Variants in ZNF385D observed in about 807,000 individuals in gnomAD.
ZNF385D encodes zinc finger protein 659.
In ZNF385D, 15 loss-of-function variants were observed where a neutral mutation model predicts 35.8. That is an observed-to-expected ratio of 0.42 (90% confidence interval 0.28 to 0.64). The LOEUF (loss-of-function observed/expected upper bound fraction) is 0.64, where lower values mean the gene tolerates loss of function less well. Among genes scored for constraint, ZNF385D ranks in the 30% least tolerant of loss-of-function variants. ZNF385D has a pLI of 0.23. For missense variants in ZNF385D, 474 were observed against 494.6 expected, an observed-to-expected ratio of 0.96 and a Z score of 0.39; for synonymous variants, 212 against 186.8, an observed-to-expected ratio of 1.13 and a Z score of -1.10.
intron 3 of ZNF385D, among the ~76,000 whole-genome samples, chr3:22,075,575 C>A (rs369453885): frequency 6.6e-6 from 1 of 151,970 alleles, no homozygotes. Context: ...AATGACCACT[C>A]TTTTCTACCA....
rs770489198 is a variant in ZNF385D at position 22,284,078 on chromosome 3, A to G, written c.106+88372T>C. Among the ~76,000 whole-genome samples the G allele has an allele frequency of 1.7e-4, 26 of 152,136 alleles. 1 individual carries two copies. The highest frequency in any genetic ancestry group is 2.5e-4 in the Non-Finnish European group (17 of 68,032). On this transcript the variant is annotated intron_variant, in intron 2 of 5. Coordinates refer to the ZNF385D transcript ENST00000494108. ...GAAAATTAACATTGGACCTCATTTT[A>G]TACTTACTTGAGGCAAGATAGTACA...
chr3:22,299,038 C>T (rs1304251108), intron 2 of ZNF385D, among the ~76,000 whole-genome samples: 1 of 151,870 alleles, frequency 6.6e-6, no homozygotes, highest in African/African-American at 2.4e-5. Flanking sequence ...TAGTTTTTAA[C>T]ACAATTCAAA....
At chr3:22,030,256 C>CATATATATATATATATATAT (rs71044967) in intron 3 of ZNF385D, among the ~76,000 whole-genome samples, 1 of 21,730 alleles carries the variant, frequency 4.6e-5, no homozygotes, top group Non-Finnish European at 9.0e-5. Context: ...TAAACTCATT[C>CATATATATATATATATATAT]ATATATATAT....
rs559947030 is a variant in ZNF385D, at chr3:22,136,717, A to C, written c.325+32100T>G. 5.9e-5 allele frequency among the ~76,000 whole-genome samples: 9 copies of C among 152,286 alleles called. No individual in the cohort carries two copies. In the South Asian group the frequency reaches 1.7e-3, roughly 28 times the overall value. On this transcript the variant is annotated intron_variant, in intron 3 of 5. Coordinates refer to the ZNF385D transcript ENST00000494108. ...CCTTCAATAGGAGTATGGATAAGCA[A>C]ATTGTGGTACATTCAAAAAATGAAA...
chr3:22,301,812 T>C (rs1171648542), intron 2 of ZNF385D, among the ~76,000 whole-genome samples: 1 of 152,094 alleles, frequency 6.6e-6, no homozygotes, highest in East Asian at 1.9e-4. Context: ...TATGCAGCAA[T>C]ATATATAACT....
At chr3:21,858,745 G>A (rs1291970174) in intron 3 of ZNF385D, among the ~76,000 whole-genome samples, 1 of 152,102 alleles carries the variant, frequency 6.6e-6, no homozygotes, top group African/African-American at 2.4e-5. Context: ...CAGCACGAAT[G>A]ATTGGATATC....
intron 2 of ZNF385D, among the ~76,000 whole-genome samples, chr3:22,195,540 A>G (rs1205051205): frequency 6.6e-6 from 1 of 152,030 alleles, no homozygotes; most frequent in Non-Finnish European, 1.5e-5. Context: ...ATGTTCTACT[A>G]AAAGTTTTAT....
intron 2 of ZNF385D, among the ~76,000 whole-genome samples, chr3:22,361,407 G>A (rs1188685151): frequency 1.3e-5 from 2 of 152,018 alleles, no homozygotes; most frequent in African/African-American, 2.4e-5. Context: ...TAATGGCCCT[G>A]ACAATTTTCC....
chr3:22,195,641 T>C (rs932142831), intron 2 of ZNF385D, among the ~76,000 whole-genome samples: 1 of 151,994 alleles, frequency 6.6e-6, no homozygotes. Context: ...TGACTATACT[T>C]TTTACACTAC....
chr3:22,136,759 A>G (rs76636854), intron 3 of ZNF385D, among the ~76,000 whole-genome samples: 1,613 of 152,276 alleles, frequency 0.011, 28 homozygotes, highest in African/African-American at 0.037. Flanking sequence ...TCAGTGATAA[A>G]AAGAAGAGAA....
intron 2 of ZNF385D, among the ~76,000 whole-genome samples, chr3:22,361,400 T>C (rs937997468): frequency 1.3e-5 from 2 of 152,088 alleles, no homozygotes; most frequent in Non-Finnish European, 2.9e-5. Flanking sequence ...AACTTATTAA[T>C]GGCCCTGACA....
chr3:21,586,925 G>T (rs984722688), intron 2 of ZNF385D, among the ~76,000 whole-genome samples: 16 of 152,170 alleles, frequency 1.1e-4, no homozygotes, highest in African/African-American at 3.9e-4. Context: ...CAGTTTGTGG[G>T]CATCCTGGAA....
chr3:21,780,372 T>C (rs1167432419), intron 3 of ZNF385D, among the ~76,000 whole-genome samples: 2 of 152,006 alleles, frequency 1.3e-5, no homozygotes, highest in Non-Finnish European at 2.9e-5. Flanking sequence ...TGTCACAGTT[T>C]ACTGAGTTTT....
intron 3 of ZNF385D, among the ~76,000 whole-genome samples, chr3:22,109,902 G>A (rs556547035): frequency 5.3e-5 from 8 of 152,066 alleles, no homozygotes; most frequent in South Asian, 2.1e-4. Flanking sequence ...CTACTCATCT[G>A]ACAAATATCC....
intron 3 of ZNF385D, among the ~76,000 whole-genome samples, chr3:21,914,080 C>G (rs1700085803): frequency 6.6e-6 from 1 of 151,978 alleles, no homozygotes; most frequent in Non-Finnish European, 1.5e-5. Flanking sequence ...TGTGCTTTGT[C>G]CATTCACAGG....
At chr3:21,521,527 A>G (rs1232474474) in intron 3 of ZNF385D, among the ~76,000 whole-genome samples, 1 of 152,160 alleles carries the variant, frequency 6.6e-6, no homozygotes, top group Non-Finnish European at 1.5e-5. Flanking sequence ...CCACAGTGGT[A>G]AGATCACTTG....
chr3:21,773,249 G>C (rs2071150334), intron 3 of ZNF385D, among the ~76,000 whole-genome samples: 1 of 150,418 alleles, frequency 6.6e-6, no homozygotes, highest in African/African-American at 2.4e-5. Flanking sequence ...AAATTGGAAA[G>C]AGAAAATAAA....
intron 2 of ZNF385D, among the ~76,000 whole-genome samples, chr3:22,356,553 GT>G (rs1370370551): frequency 1.3e-5 from 2 of 151,878 alleles, no homozygotes; most frequent in Non-Finnish European, 2.9e-5. Context: ...CTAGAACTCT[GT>G]TTCCCAACTG....
chr3:22,224,678 C>G (rs1173364966), intron 2 of ZNF385D, among the ~76,000 whole-genome samples: 1 of 152,132 alleles, frequency 6.6e-6, no homozygotes, highest in African/African-American at 2.4e-5. Context: ...CAGGTTATTG[C>G]AAGATCCAAC....
Sources: allele counts gnomAD v4.1 joint callset (sites outside exome capture counted in the v4.1 genomes callset), GRCh38; gene constraint gnomAD v4.1.1; transcripts MANE v1.5; gene names NCBI Gene and HGNC (gene_info 2026-07-23, HGNC 2026-07-21).